The following TACC2 variants were observed in gnomAD, a reference collection of about 807,000 sequenced individuals.
TACC2 encodes transforming acidic coiled-coil containing protein 2.
A neutral mutation model predicts 227.3 loss-of-function variants in TACC2; 137 were observed. The observed-to-expected ratio is 0.60, with a 90% CI of 0.52 to 0.69. The LOEUF (loss-of-function observed/expected upper bound fraction) is 0.69, where lower values mean the gene tolerates loss of function less well. TACC2 is among the 30% of genes least tolerant of loss of function. The pLI, the probability that TACC2 is intolerant of heterozygous loss-of-function variation, is 0.00. For missense variants in TACC2, 3,470 were observed against 3,694.4 expected (o/e 0.94, Z 1.57); for synonymous variants, 1,523 against 1,487.5 (o/e 1.02, Z -0.55).
intron 7 of TACC2, among the ~76,000 whole-genome samples, chr10:122,177,103 A>G (rs2093754696): frequency 6.6e-6 from 1 of 152,210 alleles, no homozygotes; most frequent in South Asian, 2.1e-4. Context: ...GTTTTACAAA[A>G]GGGCAGCTTT....
At chr10:122,008,161 T>C (rs187079757) in intron 1 of TACC2, among the ~76,000 whole-genome samples, 1 of 152,122 alleles carries the variant, frequency 6.6e-6, no homozygotes, top group African/African-American at 2.4e-5. Context: ...TGCCATTGGG[T>C]ATTCCTATTA....
intron 1 of TACC2, among the ~76,000 whole-genome samples, chr10:121,990,064 C>A (rs578109433): frequency 6.6e-6 from 1 of 151,878 alleles, no homozygotes; most frequent in African/African-American, 2.4e-5. Flanking sequence ...TTAAATATTT[C>A]TTTAATTCTG....
chr10:122,213,408 T>A (rs778051032), intron 9 of TACC2: 15 of 1,608,886 alleles, frequency 9.3e-6, no homozygotes, highest in Non-Finnish European at 1.2e-5. Flanking sequence ...CTGCCTCTTA[T>A]GCCAAATGTG....
intron 6 of TACC2, among the ~76,000 whole-genome samples, chr10:122,142,255 C>T (rs2090689500): frequency 6.6e-6 from 1 of 152,242 alleles, no homozygotes; most frequent in Non-Finnish European, 1.5e-5. Flanking sequence ...TCTGCTCCCA[C>T]ACTTGGTTGC....
At chr10:122,163,025 T>C (rs1017277961) in intron 7 of TACC2, among the ~76,000 whole-genome samples, 1 of 151,948 alleles carries the variant, frequency 6.6e-6, no homozygotes, top group African/African-American at 2.4e-5. Flanking sequence ...CTCCCTAGCT[T>C]GCCCCAGGCC....
chr10:122,216,910 C>T, intron 11 of TACC2, 82 bp downstream of exon 11: 1 of 1,610,228 alleles, frequency 6.2e-7, no homozygotes, highest in Non-Finnish European at 8.5e-7. Flanking sequence ...AGGAGAGAAA[C>T]TTCTCAGCCA....
chr10:122,044,068 A>G (rs1422318393), intron 2 of TACC2, among the ~76,000 whole-genome samples: 6 of 152,192 alleles, frequency 3.9e-5, no homozygotes, highest in Non-Finnish European at 7.3e-5. Flanking sequence ...ATCAAAACAC[A>G]CGTCAAACTC....
intron 3 of TACC2, among the ~76,000 whole-genome samples, chr10:122,076,454 T>C (rs1386283420): frequency 3.3e-5 from 5 of 152,218 alleles, no homozygotes; most frequent in African/African-American, 1.2e-4. Context: ...CCACTGGCTT[T>C]CATTCTACCC....
At position 122,134,326 on chromosome 10, in the gene TACC2, C is replaced by A. The variant is rs966743904; in HGVS notation, c.5699+1592C>A. ...AGCTGGAATTACAGGCGTGCGCCACCATGCCCACCTAATTTTCTTGTATTT... is the reference window on the plus strand; with the variant it reads ...AGCTGGAATTACAGGCGTGCGCCACAATGCCCACCTAATTTTCTTGTATTT... On this transcript the variant is annotated intron_variant, in intron 6 of 22. Coordinates refer to ENST00000369005, the MANE Select transcript of TACC2 (RefSeq NM_206862.4). Among the ~76,000 whole-genome samples the A allele has an allele frequency of 7.9e-5, 12 of 152,070 alleles. No individual in the cohort carries two copies. The South Asian group carries it at 1.7e-3, about 21-fold the overall frequency.
At chr10:122,095,441 C>T (rs2081273339) in intron 5 of TACC2, among the ~76,000 whole-genome samples, 2 of 152,240 alleles carry the variant, frequency 1.3e-5, no homozygotes, top group South Asian at 2.1e-4. Context: ...GCCACAAGTG[C>T]TCTGTATAAG....
intron 3 of TACC2, among the ~76,000 whole-genome samples, chr10:122,058,065 C>T (rs113122691): frequency 0.033 from 5,037 of 152,344 alleles, 153 homozygotes; most frequent in African/African-American, 0.084. Flanking sequence ...AGACCACCCA[C>T]CATGGAGTGG....
At chr10:122,216,986 G>A (rs2095419239) in intron 11 of TACC2, 158 bp downstream of exon 11, 2 of 1,450,402 alleles carry the variant, frequency 1.4e-6, no homozygotes, top group East Asian at 2.5e-5. Flanking sequence ...AGCTCAGGCT[G>A]TGTTTGAAAA....
At chr10:122,067,095 A>G (rs2077468669) in intron 3 of TACC2, among the ~76,000 whole-genome samples, 1 of 152,228 alleles carries the variant, frequency 6.6e-6, no homozygotes, top group African/African-American at 2.4e-5. Flanking sequence ...AAGGAAAAAG[A>G]GACTGTATTT....
intron 3 of TACC2, among the ~76,000 whole-genome samples, chr10:122,055,468 C>A (rs1591518641): frequency 6.6e-6 from 1 of 152,256 alleles, no homozygotes; most frequent in East Asian, 1.9e-4. Flanking sequence ...AACAGAAAAG[C>A]AAACACTGCA....
intron 21 of TACC2, 42 bp from the exon 22 acceptor site, chr10:122,249,502 A>G (rs751801600): frequency 6.2e-7 from 1 of 1,602,354 alleles, no homozygotes; most frequent in South Asian, 1.1e-5. Context: ...GTCTCTAGTG[A>G]TCCACAAAAG....
intron 5 of TACC2, among the ~76,000 whole-genome samples, chr10:122,117,384 G>C (rs1242524274): frequency 6.6e-6 from 1 of 151,844 alleles, no homozygotes; most frequent in South Asian, 2.1e-4. Flanking sequence ...TAGTAGAGAC[G>C]GGGATTTGCC....
intron 2 of TACC2, among the ~76,000 whole-genome samples, chr10:122,030,059 A>G (rs1409690951): frequency 6.6e-6 from 1 of 152,084 alleles, no homozygotes; most frequent in Non-Finnish European, 1.5e-5. Flanking sequence ...AGAGTATTCT[A>G]CAATGCACAG....
intron 11 of TACC2, among the ~76,000 whole-genome samples, chr10:122,220,608 T>G (rs574915239): frequency 6.6e-6 from 1 of 152,316 alleles, no homozygotes; most frequent in South Asian, 2.1e-4. Flanking sequence ...AAAGAATCCG[T>G]GTGGGGCGGG....
intron 7 of TACC2, among the ~76,000 whole-genome samples, chr10:122,145,498 G>A (rs923239872): frequency 2.6e-5 from 4 of 152,188 alleles, no homozygotes; most frequent in Non-Finnish European, 4.4e-5. Flanking sequence ...AGATCAGTGG[G>A]CACTGGGGGC....
Sources: allele counts gnomAD v4.1 joint callset (sites outside exome capture counted in the v4.1 genomes callset), GRCh38; gene constraint gnomAD v4.1.1; transcripts MANE v1.5; gene names NCBI Gene and HGNC (gene_info 2026-07-23, HGNC 2026-07-21).